The following RTL10 variants were observed in gnomAD, a reference collection of about 807,000 sequenced individuals.
The protein encoded by RTL10 is protein Bop.
For synonymous variants in RTL10, 199 were observed against 188.4 expected, an observed-to-expected ratio of 1.06 and a Z score of -0.46; for missense variants, 477 against 470.7, an observed-to-expected ratio of 1.01 and a Z score of -0.12.
chr22:19,848,676 T>C lies in RTL10; in HGVS notation c.*2491A>G. 1 of 985,480 alleles carries C rather than the reference T, an allele frequency of 1.0e-6. No individual in the cohort carries two copies. Among genetic ancestry groups the C allele is most frequent in the South Asian group, 4.7e-5 (1 of 21,284 alleles). The allele number at this position is 985,480 out of a possible 1,614,324, so 61.0% of individuals were successfully genotyped here. ...GGACTCTCCCAAGGACTCTCAAGCC[T>C]GCCTAGGTGGATGCTGCATGACTGG... On this transcript the variant is annotated 3_prime_UTR_variant, in exon 3 of 3. Transcript: ENST00000328554.
Position 19,848,471 on chromosome 22 carries a change from G to A in RTL10, c.*2696C>T, listed in dbSNP as rs1213633884. ...AGGTGCTGCAGCAGCTGGCAACAAA[G>A]CCACTCTGAAAGGAGCTGTGTGCAC... is the stretch of plus-strand genomic sequence containing the variant. On this transcript the variant is annotated 3_prime_UTR_variant, in exon 3 of 3. Transcript: ENST00000328554. The A allele has an allele frequency of 1.0e-6, 1 of 985,332 alleles. No homozygotes were observed. The highest frequency in any genetic ancestry group is 1.1e-4 in the East Asian group (1 of 8,822). 61.0% of individuals were successfully genotyped at this position (985,332 alleles called of 1,614,324 possible). A position where few individuals can be genotyped will look rare whatever the true frequency, so the allele number is the denominator to read the frequency against.
At position 19,850,179 on chromosome 22, in the gene RTL10, C is replaced by T; in HGVS notation, c.*988G>A. 1 of 985,726 alleles carries T rather than the reference C, an allele frequency of 1.0e-6. No individual in the cohort carries two copies. Among genetic ancestry groups the T allele is most frequent in the Non-Finnish European group, 1.2e-6 (1 of 830,156 alleles). The allele number at this position is 985,726 out of a possible 1,614,324, so 61.1% of individuals were successfully genotyped here. On this transcript the variant is annotated 3_prime_UTR_variant, in exon 3 of 3. Coordinates refer to ENST00000328554, the MANE Select transcript of RTL10 (RefSeq NM_024627.6). ...TGGAATGCTCATGGCCAGGCCTCTG[C>T]TCCTGACAGAATGGGAAACAAAGAC...
In RTL10 at chr22:19,849,071, T is replaced by C. The variant is rs906178743; in HGVS notation, c.*2096A>G. 5.0e-5 allele frequency: 49 copies of C among 985,458 alleles called. No homozygotes were observed. Among genetic ancestry groups the C allele is most frequent in the Non-Finnish European group, 5.7e-5 (47 of 829,938 alleles). 61.0% of individuals were successfully genotyped at this position (985,458 alleles called of 1,614,324 possible). A position where few individuals can be genotyped will look rare whatever the true frequency, so the allele number is the denominator to read the frequency against. Reference sequence around the variant, plus strand: ...CATCGGACGGAGGGCAGCTGTGACCTGGCACAGAAGCATGGGGCTGGGCCA... The same window carrying C: ...CATCGGACGGAGGGCAGCTGTGACCCGGCACAGAAGCATGGGGCTGGGCCA... On this transcript the variant is annotated 3_prime_UTR_variant, in exon 3 of 3. Coordinates refer to ENST00000328554, the MANE Select transcript of RTL10 (RefSeq NM_024627.6).
chr22:19,848,977 C>T lies in RTL10; in HGVS notation c.*2190G>A, dbSNP rs1451598483. On this transcript the variant is annotated 3_prime_UTR_variant, in exon 3 of 3. Transcript: ENST00000328554. Reference sequence around the variant, plus strand: ...CCAGACCCACAGGTGAGCCAGGCCACAGTGCACTGGAGGTAGGCATCAGGG... The same window carrying T: ...CCAGACCCACAGGTGAGCCAGGCCATAGTGCACTGGAGGTAGGCATCAGGG... The T allele has an allele frequency of 8.1e-6, 8 of 985,484 alleles. No homozygotes were observed. Among genetic ancestry groups the T allele is most frequent in the Non-Finnish European group, 9.6e-6 (8 of 830,102 alleles). The allele number at this position is 985,484 out of a possible 1,614,324, so 61.0% of individuals were successfully genotyped here. A position where few individuals can be genotyped will look rare whatever the true frequency, so the allele number is the denominator to read the frequency against.
chr22:19,851,290 G>A lies in RTL10; in HGVS notation c.972C>T (p.Pro324=), dbSNP rs900754378. The A allele has an allele frequency of 6.2e-7, 1 of 1,613,776 alleles. No homozygotes were observed. The highest frequency in any genetic ancestry group is 1.3e-5 in the African/African-American group (1 of 74,990). The change falls in exon 3 of 3, where the codon CCC becomes CCT. Residue 324 remains proline, a synonymous_variant. Coordinates refer to ENST00000328554, the MANE Select transcript of RTL10 (RefSeq NM_024627.6). ...PDPAHPGGPK[P]QKTEEEVLET... The stretch of plus-strand genomic sequence containing the variant: ...CCAAAACCTCCTCCTCTGTTTTCTG[G>A]GGTTTTGGACCTCCTGGATGAGCTG...
At position 19,850,993 on chromosome 22, in the gene RTL10, G is replaced by C. The variant is rs1395089690; in HGVS notation, c.*174C>G. ...AGGGCGGAGGTCAAGCTCTGCTGGA[G>C]TTGGGGGAGCTGGTTCTGCTCAGCG... On this transcript the variant is annotated 3_prime_UTR_variant, in exon 3 of 3. Transcript: ENST00000328554. 7.1e-7 allele frequency: 1 copy of C among 1,415,356 alleles called. No homozygotes were observed. Among genetic ancestry groups the C allele is most frequent in the African/African-American group, 1.4e-5 (1 of 69,386 alleles). 87.7% of individuals were successfully genotyped at this position (1,415,356 alleles called of 1,614,324 possible).
Position 19,852,051 on chromosome 22 carries a change from T to C in RTL10, c.211A>G (p.Thr71Ala), listed in dbSNP as rs1475034800. Residue 71 changes from threonine to alanine, a missense_variant, in exon 3 of 3, where the codon ACT becomes GCT. By Grantham distance (58) the Thr-to-Ala change is moderately conservative. Coordinates refer to ENST00000328554, the MANE Select transcript of RTL10 (RefSeq NM_024627.6). ...TMEQKSTASG[T>A]CGGKPAERGP... ...CTTTCTGCAGGTTTACCGCCACAAG[T>C]GCCACTAGCTGTGCTCTTCTGCTCC... 6.2e-7 allele frequency: 1 copy of C among 1,614,070 alleles called. No individual in the cohort carries two copies. Among genetic ancestry groups the C allele is most frequent in the Non-Finnish European group, 8.5e-7 (1 of 1,180,040 alleles).
In RTL10 at chr22:19,849,385, T is replaced by TTTGG; in HGVS notation, c.*1781_*1782insCCAA. 3.9e-6 allele frequency: 3 copies of TTTGG among 762,218 alleles called. No homozygotes were observed. The highest frequency in any genetic ancestry group is 4.8e-6 in the Non-Finnish European group (3 of 627,838). The allele number at this position is 762,218 out of a possible 1,614,324, so 47.2% of individuals were successfully genotyped here. Reference sequence around the variant, plus strand: ...TTGTTTTTTGTTGTTTTTTTTTTTTTGGGATGGAGTTTCACTCTTGTTGTC... The same window carrying TTTGG: ...TTGTTTTTTGTTGTTTTTTTTTTTTTTTGGGGGATGGAGTTTCACTCTTGTTGTC... On this transcript the variant is annotated 3_prime_UTR_variant, in exon 3 of 3. Transcript: ENST00000328554.
chr22:19,849,688 A>G lies in RTL10; in HGVS notation c.*1479T>C, dbSNP rs947652978. On this transcript the variant is annotated 3_prime_UTR_variant, in exon 3 of 3. Transcript: ENST00000328554. ...GGCCAGTTTCTGAATAAGTTTAATC[A>G]GATGCTTGCTAATTAGTTTTTCCTA... 2 of 985,252 alleles carry G rather than the reference A, an allele frequency of 2.0e-6. No individual in the cohort carries two copies. Among genetic ancestry groups the G allele is most frequent in the Non-Finnish European group, 2.4e-6 (2 of 829,870 alleles). The allele number at this position is 985,252 out of a possible 1,614,324, so 61.0% of individuals were successfully genotyped here.
In RTL10 at chr22:19,850,415, C is replaced by T; in HGVS notation, c.*752G>A. 4 of 991,822 alleles carry T rather than the reference C, an allele frequency of 4.0e-6. No homozygotes were observed. The highest frequency in any genetic ancestry group is 4.8e-6 in the Non-Finnish European group (4 of 834,462). The allele number at this position is 991,822 out of a possible 1,614,324, so 61.4% of individuals were successfully genotyped here. A position where few individuals can be genotyped will look rare whatever the true frequency, so the allele number is the denominator to read the frequency against. ...CGAGTGCGGAGTGAGCAGGGGATGG[C>T]AGCACAGCAGCAGGGAAGAGGAGCC... On this transcript the variant is annotated 3_prime_UTR_variant, in exon 3 of 3. Transcript: ENST00000328554.
Position 19,849,360 on chromosome 22 carries a change from T to C in RTL10, c.*1807A>G, listed in dbSNP as rs906231030. 19 of 914,460 alleles carry C rather than the reference T, an allele frequency of 2.1e-5. No individual in the cohort carries two copies. The highest frequency in any genetic ancestry group is 2.5e-5 in the Non-Finnish European group (19 of 768,996). 56.6% of individuals were successfully genotyped at this position (914,460 alleles called of 1,614,324 possible). On this transcript the variant is annotated 3_prime_UTR_variant, in exon 3 of 3. Coordinates refer to ENST00000328554, the MANE Select transcript of RTL10 (RefSeq NM_024627.6). ...ATTTATATTTTTCTAAATAAGGTTT[T>C]TGTTTTTTGTTGTTTTTTTTTTTTT...
rs1023488935 is a variant in RTL10, at chr22:19,850,309, G to C, written c.*858C>G. The C allele has an allele frequency of 2.0e-6, 2 of 981,728 alleles. No homozygotes were observed. Among genetic ancestry groups the C allele is most frequent in the African/African-American group, 1.7e-5 (1 of 57,160 alleles). 60.8% of individuals were successfully genotyped at this position (981,728 alleles called of 1,614,324 possible). ...CAGAGCTGACTAAGACAGAGCCCCT[G>C]TGCTGAGGGTCACAGTCTGCCAGGA... On this transcript the variant is annotated 3_prime_UTR_variant, in exon 3 of 3. Transcript: ENST00000328554.
rs192863207 is a variant in RTL10 at position 19,848,417 on chromosome 22, A to G, written c.*2750T>C. ...GAATGCCTCCTTCCCCCAGCAGGAA[A>G]GCAGCTTGGTCATCATCTGTCTGAA... On this transcript the variant is annotated 3_prime_UTR_variant, in exon 3 of 3. Transcript: ENST00000328554. 1.7e-5 allele frequency: 17 copies of G among 985,524 alleles called. 1 individual carries two copies. Among genetic ancestry groups the G allele is most frequent in the East Asian group, 2.3e-4 (2 of 8,808 alleles). The allele number at this position is 985,524 out of a possible 1,614,324, so 61.0% of individuals were successfully genotyped here. A position where few individuals can be genotyped will look rare whatever the true frequency, so the allele number is the denominator to read the frequency against.
Position 19,847,743 on chromosome 22 carries a change from C to G in RTL10, c.*3424G>C. The stretch of plus-strand genomic sequence containing the variant: ...TTCCCACCAACAGTATGAGAAGGTC[C>G]ACTTCTCCATACCTCCACAACTCTG... On this transcript the variant is annotated 3_prime_UTR_variant, in exon 3 of 3. Coordinates refer to ENST00000328554, the MANE Select transcript of RTL10 (RefSeq NM_024627.6). 1 of 973,498 alleles carries G rather than the reference C, an allele frequency of 1.0e-6. No homozygotes were observed. 60.3% of individuals were successfully genotyped at this position (973,498 alleles called of 1,614,324 possible).
chr22:19,854,856 C>G lies in RTL10; in HGVS notation c.-519G>C, dbSNP rs1264546547. On this transcript the variant is annotated 5_prime_UTR_variant, in exon 1 of 3. Transcript: ENST00000328554. ...AGTCGGGAACGCCTGCTCCTAGGAGCGCCGCGCAGCGTCCAGAGACCGATT... is the reference window on the plus strand; with the variant it reads ...AGTCGGGAACGCCTGCTCCTAGGAGGGCCGCGCAGCGTCCAGAGACCGATT... 6.6e-6 allele frequency: 1 copy of G among 152,262 alleles called. No individual in the cohort carries two copies. The highest frequency in any genetic ancestry group is 6.5e-5 in the Admixed American group (1 of 15,288). The allele number at this position is 152,262 out of a possible 1,614,324, so 9.4% of individuals were successfully genotyped here.
chr22:19,853,522 A>C (rs1938160067), intron 2 of RTL10, among the ~76,000 whole-genome samples: 1 of 151,920 alleles, frequency 6.6e-6, no homozygotes. Context: ...CCCACACACA[A>C]ACGCCACCGG....
rs1434600235 is a variant in RTL10 at position 19,847,358 on chromosome 22, C to T, written c.*3809G>A. 1.0e-6 allele frequency: 1 copy of T among 985,338 alleles called. No individual in the cohort carries two copies. The highest frequency in any genetic ancestry group is 1.1e-4 in the East Asian group (1 of 8,828). The allele number at this position is 985,338 out of a possible 1,614,324, so 61.0% of individuals were successfully genotyped here. A position where few individuals can be genotyped will look rare whatever the true frequency, so the allele number is the denominator to read the frequency against. On this transcript the variant is annotated 3_prime_UTR_variant, in exon 3 of 3. Transcript: ENST00000328554. ...GGTAACAGCTTTATTTGCCTTGCTC[C>T]TTTATTGCTGGATCTTTGGGCTTTT...
At position 19,852,283 on chromosome 22, in the gene RTL10, A is replaced by G. The variant is rs770925442; in HGVS notation, c.-22T>C. 2.5e-6 allele frequency: 4 copies of G among 1,582,966 alleles called. No individual in the cohort carries two copies. Among genetic ancestry groups the G allele is most frequent in the Non-Finnish European group, 3.4e-6 (4 of 1,163,360 alleles). ...GCATGCTGGGAGCACAGGGGAGAAGAGAGGAGAGCCAGCACTGGTGGGTGG... is the reference window on the plus strand; with the variant it reads ...GCATGCTGGGAGCACAGGGGAGAAGGGAGGAGAGCCAGCACTGGTGGGTGG... On this transcript the variant is annotated 5_prime_UTR_variant, in exon 3 of 3. Transcript: ENST00000328554.
chr22:19,851,066 A>T lies in RTL10; in HGVS notation c.*101T>A. The T allele has an allele frequency of 6.8e-7, 1 of 1,464,752 alleles. No individual in the cohort carries two copies. The highest frequency in any genetic ancestry group is 9.0e-7 in the Non-Finnish European group (1 of 1,107,506). The allele number at this position is 1,464,752 out of a possible 1,614,324, so 90.7% of individuals were successfully genotyped here. On this transcript the variant is annotated 3_prime_UTR_variant, in exon 3 of 3. Coordinates refer to ENST00000328554, the MANE Select transcript of RTL10 (RefSeq NM_024627.6). ...TTGCCCAGCTATGGGGTCTGAAGTC[A>T]TCTGGGGACACCACTCTGCTCTGAC...
Sources: allele counts gnomAD v4.1 joint callset (sites outside exome capture counted in the v4.1 genomes callset), GRCh38; gene constraint gnomAD v4.1.1; transcripts MANE v1.5; gene names NCBI Gene and HGNC (gene_info 2026-07-23, HGNC 2026-07-21).